Variants in VWF observed in about 807,000 individuals in gnomAD.
The protein encoded by VWF is Factor VIII related antigen.
In VWF, 176 loss-of-function variants were observed where a neutral mutation model predicts 308.6. The observed-to-expected ratio is 0.57, with a 90% CI of 0.50 to 0.65. The LOEUF is 0.65. Among genes scored for constraint, VWF ranks in the 30% least tolerant of loss-of-function variants. VWF has a pLI of 0.00. For missense variants in VWF, 3,146 were observed against 3,648.2 expected (o/e 0.86, Z 3.55); for synonymous variants, 1,385 against 1,443.4 (o/e 0.96, Z 0.92).
intron 31 of VWF, among the ~76,000 whole-genome samples, chr12:6,014,086 G>A (rs1448976305): frequency 6.6e-6 from 1 of 152,066 alleles, no homozygotes; most frequent in East Asian, 1.9e-4. Flanking sequence ...GAAACCTGAT[G>A]TAAGGATGGA....
At chr12:5,985,330 C>CTTAA (rs1943667148) in intron 39 of VWF, among the ~76,000 whole-genome samples, 1 of 152,214 alleles carries the variant, frequency 6.6e-6, no homozygotes, top group African/African-American at 2.4e-5. Flanking sequence ...TAAGTCTGAC[C>CTTAA]GTTGCTGGGG....
chr12:5,996,001 C>T lies in VWF; in HGVS notation c.6063+1G>A. On this transcript the variant is annotated splice_donor_variant, in intron 35 of 51. Coordinates refer to ENST00000261405, the MANE Select transcript of VWF (RefSeq NM_000552.5). LOFTEE classifies it high-confidence loss of function. ...ACGGATCCACAGAAAGTACTTCTCA[C>T]CTCCATGTCACTGTGCAGCTCGACG... The T allele has an allele frequency of 6.2e-7, 1 of 1,612,336 alleles. No homozygotes were observed. Among genetic ancestry groups the T allele is most frequent in the Middle Eastern group, 2.1e-4 (1 of 4,846 alleles).
chr12:6,029,189 T>C (rs1944228904), intron 22 of VWF, among the ~76,000 whole-genome samples, 153 bp downstream of exon 22: 1 of 151,948 alleles, frequency 6.6e-6, no homozygotes, highest in Non-Finnish European at 1.5e-5. Flanking sequence ...AAGGGATCAA[T>C]TCAACAAGAA....
At chr12:5,971,733 T>A in intron 43 of VWF, 24 bp from the exon 44 acceptor site, 1 of 1,601,754 alleles carries the variant, frequency 6.2e-7, no homozygotes, top group South Asian at 1.1e-5. Flanking sequence ...AAAAACAGAG[T>A]AAGGACAGGC....
At chr12:6,123,985 A>T (rs948581744) in intron 1 of VWF, among the ~76,000 whole-genome samples, 1 of 151,916 alleles carries the variant, frequency 6.6e-6, no homozygotes, top group Non-Finnish European at 1.5e-5. Flanking sequence ...ACTGGGGGTG[A>T]CTCCCTTCCT....
intron 21 of VWF, among the ~76,000 whole-genome samples, chr12:6,031,018 G>A (rs1005251): frequency 0.24 from 37,230 of 152,044 alleles, 5,280 homozygotes; most frequent in East Asian, 0.54. Flanking sequence ...GCAAAAGAGC[G>A]AGACTCCATC....
In VWF at chr12:6,034,843, C is replaced by A; in HGVS notation, c.2547-17G>T. On this transcript the variant is annotated splice_polypyrimidine_tract_variant and intron_variant, in intron 19 of 51. Transcript: ENST00000261405. ...TGACAGACACTAGGAGCAGTCATGGCAGAGATGACAAGTTGGGCACCTTGG... is the reference window on the plus strand; with the variant it reads ...TGACAGACACTAGGAGCAGTCATGGAAGAGATGACAAGTTGGGCACCTTGG... 1.2e-6 allele frequency: 2 copies of A among 1,613,034 alleles called. No homozygotes were observed. The highest frequency in any genetic ancestry group is 1.7e-4 in the Middle Eastern group (1 of 6,054).
rs549836085 is a variant in VWF at position 6,104,709 on chromosome 12, A to AT, written c.532+5664_532+5665insA. On this transcript the variant is annotated intron_variant, in intron 5 of 51. Transcript: ENST00000261405. ...GAGACTCTGTCTCGGAAAAAAAAAA[A>AT]ATATATAGGACTACCATTCAATCCA... is the stretch of plus-strand genomic sequence containing the variant. Among the ~76,000 whole-genome samples, 254 of 152,172 alleles carry AT rather than the reference A, an allele frequency of 1.7e-3. 1 individual carries two copies. Among genetic ancestry groups the AT allele is most frequent in the African/African-American group, 4.9e-3 (204 of 41,482 alleles).
chr12:6,006,890 A>C (rs1304035252), intron 34 of VWF, among the ~76,000 whole-genome samples: 2 of 152,232 alleles, frequency 1.3e-5, no homozygotes, highest in Non-Finnish European at 2.9e-5. Flanking sequence ...TAAAGTGAGA[A>C]GATGGAAAAA....
intron 18 of VWF, among the ~76,000 whole-genome samples, chr12:6,037,360 G>C (rs528246146): frequency 6.6e-6 from 1 of 152,032 alleles, no homozygotes; most frequent in Non-Finnish European, 1.5e-5. Context: ...AGTAGAAATC[G>C]ATCAGAACTA....
chr12:6,085,051 T>C (rs1347430676), intron 6 of VWF, among the ~76,000 whole-genome samples: 1 of 152,200 alleles, frequency 6.6e-6, no homozygotes. Context: ...CCAGTGCTCA[T>C]GAGAAGTAGG....
chr12:6,074,499 A>T (rs993158656), intron 7 of VWF, among the ~76,000 whole-genome samples: 1 of 151,642 alleles, frequency 6.6e-6, no homozygotes, highest in African/African-American at 2.4e-5. Context: ...AAAAAAAAAA[A>T]AAAAAAAAAA....
In VWF at chr12:6,034,716, G is replaced by A; in HGVS notation, c.2657C>T (p.Pro886Leu). The change falls in exon 20 of 52, where the codon CCC (proline) becomes CTC (leucine). Residue 886 changes from proline (P) to leucine (L), a missense_variant. By Grantham distance (98) the Pro-to-Leu change is moderately conservative. Around this residue, in one of 3 missense-constraint regions of VWF, gnomAD observed 1,304 missense variants for 1,353.0 expected, o/e 0.96. Transcript: ENST00000261405. ...CACCAGAACGTACTGGCACTCCCCG[G>A]GGAACAGGTATTTGAGCCCGTCGAA... ...LTFDGLKYLFPGECQYVLVQD... is the reference protein window; with the variant it reads ...LTFDGLKYLFLGECQYVLVQD... The A allele has an allele frequency of 6.2e-7, 1 of 1,614,090 alleles. No individual in the cohort carries two copies. The highest frequency in any genetic ancestry group is 1.1e-5 in the South Asian group (1 of 91,080).
At chr12:6,090,602 A>ACTCCTC (rs71064185) in intron 6 of VWF, among the ~76,000 whole-genome samples, 7 of 145,350 alleles carry the variant, frequency 4.8e-5, no homozygotes, top group African/African-American at 1.6e-4. Context: ...GCTAACAACA[A>ACTCCTC]CTCCTCCTCC....
intron 47 of VWF, among the ~76,000 whole-genome samples, chr12:5,961,024 C>A (rs183811416): frequency 1.3e-5 from 2 of 152,276 alleles, no homozygotes; most frequent in East Asian, 1.9e-4. Context: ...TAGATTCTCA[C>A]AGGAGCCCAA....
rs762820546 is a variant in VWF, at chr12:5,949,849, C to G, written c.8190G>C (p.Arg2730Ser). 3 of 1,614,108 alleles carry G rather than the reference C, an allele frequency of 1.9e-6. No homozygotes were observed. Among genetic ancestry groups the G allele is most frequent in the Middle Eastern group, 1.6e-4 (1 of 6,062 alleles). Residue 2730 changes from arginine (R) to serine (S), a missense_variant, in exon 51 of 52, where the codon AGG becomes AGC. This residue lies in a region of VWF where 989 missense variants were observed against 1,117.4 expected (regional missense o/e 0.89). Coordinates refer to ENST00000261405, the MANE Select transcript of VWF (RefSeq NM_000552.5). ...EEPECNDITA[R>S]LQYVKVGSCK... ...AGCTTCCCACCTTGACATACTGCAGCCTGGCAGTGATGTCGTTGCACTCAG... is the reference window on the plus strand; with the variant it reads ...AGCTTCCCACCTTGACATACTGCAGGCTGGCAGTGATGTCGTTGCACTCAG...
intron 32 of VWF, 143 bp downstream of exon 32, chr12:6,013,338 C>G: frequency 9.6e-7 from 1 of 1,037,814 alleles, no homozygotes; most frequent in Non-Finnish European, 1.5e-6. Context: ...CTTAAAGGTC[C>G]TGGTCTATAT....
At chr12:6,068,257 C>T (rs1327004272) in intron 10 of VWF, among the ~76,000 whole-genome samples, 1 of 151,938 alleles carries the variant, frequency 6.6e-6, no homozygotes, top group African/African-American at 2.4e-5. Context: ...ATTACCTCTT[C>T]TAAACAAACC....
At chr12:6,099,138 G>A (rs1945134864) in intron 5 of VWF, among the ~76,000 whole-genome samples, 1 of 151,880 alleles carries the variant, frequency 6.6e-6, no homozygotes, top group African/African-American at 2.4e-5. Context: ...TGTCCAACAT[G>A]GTGAAACCCT....
Sources: allele counts gnomAD v4.1 joint callset (sites outside exome capture counted in the v4.1 genomes callset), GRCh38; gene constraint gnomAD v4.1.1; regional missense constraint gnomAD v4.1.1; transcripts MANE v1.5; gene names NCBI Gene and HGNC (gene_info 2026-07-23, HGNC 2026-07-21).